PCDHGA5: variants seen among roughly 807,000 people sequenced by gnomAD.
The protein encoded by PCDHGA5 is protocadherin gamma subfamily A, 5.
PCDHGA5 carries 36 observed loss-of-function variants against 56.7 expected under a neutral mutation model. The observed-to-expected ratio is 0.64, with a 90% CI of 0.49 to 0.84. The LOEUF (loss-of-function observed/expected upper bound fraction) is 0.84. Among genes scored for constraint, PCDHGA5 ranks in the 40% least tolerant of loss-of-function variants. The pLI, the probability that PCDHGA5 is intolerant of heterozygous loss-of-function variation, is 0.00. For synonymous variants in PCDHGA5, 563 were observed against 520.2 expected, an observed-to-expected ratio of 1.08 and a Z score of -1.12; for missense variants, 1,305 against 1,201.5, an observed-to-expected ratio of 1.09 and a Z score of -1.27.
chr5:141,384,334 C>A (rs1779970411), intron 1 of PCDHGA5: 1 of 1,613,728 alleles, frequency 6.2e-7, no homozygotes, highest in African/African-American at 1.3e-5. Context: ...TGCACAGGAC[C>A]ACGACAGTGA....
intron 1 of PCDHGA5, chr5:141,393,536 T>G: frequency 6.2e-7 from 1 of 1,613,934 alleles, no homozygotes; most frequent in South Asian, 1.1e-5. Flanking sequence ...ATGCCCCGGT[T>G]TTTCCTCACC....
In PCDHGA5 at chr5:141,364,317, G is replaced by A. The variant is rs1467973358; in HGVS notation, c.-14G>A. Reference sequence around the variant, plus strand: ...TGAACCAGAACTAAGAGAAAATTGGGCAGAGAGAAGGCAATGGCGAGTCCA... The same window carrying A: ...TGAACCAGAACTAAGAGAAAATTGGACAGAGAGAAGGCAATGGCGAGTCCA... On this transcript the variant is annotated 5_prime_UTR_variant, in exon 1 of 4. Coordinates refer to ENST00000518069, the MANE Select transcript of PCDHGA5 (RefSeq NM_018918.3). 1.3e-6 allele frequency: 2 copies of A among 1,524,768 alleles called. No individual in the cohort carries two copies. Among genetic ancestry groups the A allele is most frequent in the Non-Finnish European group, 8.8e-7 (1 of 1,139,440 alleles). 94.5% of individuals were successfully genotyped at this position (1,524,768 alleles called of 1,614,324 possible). A position where few individuals can be genotyped will look rare whatever the true frequency, so the allele number is the denominator to read the frequency against.
Position 141,485,684 on chromosome 5 carries a change from A to T in PCDHGA5, c.2422-9123A>T, listed in dbSNP as rs746176226. On this transcript the variant is annotated intron_variant, in intron 1 of 3. Transcript: ENST00000518069. The surrounding 1 kb of genome is among the most constrained non-coding windows in gnomAD (Gnocchi z 5.7). ...GGGGAGCAATTCGATTAGCAGCTAT[A>T]GGCTGAGCTCCAATGAACACTTTGC... 1 of 1,614,056 alleles carries T rather than the reference A, an allele frequency of 6.2e-7. No homozygotes were observed. The highest frequency in any genetic ancestry group is 1.1e-5 in the South Asian group (1 of 91,082).
Position 141,490,345 on chromosome 5 carries a change from G to C in PCDHGA5, c.2422-4462G>C, listed in dbSNP as rs2099698831. On this transcript the variant is annotated intron_variant, in intron 1 of 3. Coordinates refer to ENST00000518069, the MANE Select transcript of PCDHGA5 (RefSeq NM_018918.3). This position sits in a 1 kb window ranked among gnomAD's most constrained non-coding sequence, Gnocchi z 5.4. ...AGAGAGCACACCAGTGGGCACAGTA[G>C]TGGGGTTGTTTAATGTGCGAGACCG... is the stretch of plus-strand genomic sequence containing the variant. 1 of 1,614,216 alleles carries C rather than the reference G, an allele frequency of 6.2e-7. No homozygotes were observed. Among genetic ancestry groups the C allele is most frequent in the Non-Finnish European group, 8.5e-7 (1 of 1,180,034 alleles).
chr5:141,509,144 G>A (rs969990007), intron 3 of PCDHGA5, among the ~76,000 whole-genome samples: 1 of 152,114 alleles, frequency 6.6e-6, no homozygotes, highest in African/African-American at 2.4e-5. Context: ...GGCGCATCCC[G>A]GCTCTCCCCT....
intron 1 of PCDHGA5, chr5:141,430,951 C>T (rs200771871): frequency 3.2e-5 from 51 of 1,610,496 alleles, no homozygotes; most frequent in African/African-American, 1.5e-4. Context: ...AGCGCGGAGT[C>T]CGCATCATCC....
rs1686238986 is a variant in PCDHGA5 at position 141,431,536 on chromosome 5, G to A, written c.2422-63271G>A. The A allele has an allele frequency of 6.2e-7, 1 of 1,614,070 alleles. No homozygotes were observed. Among genetic ancestry groups the A allele is most frequent in the African/African-American group, 1.3e-5 (1 of 75,064 alleles). On this transcript the variant is annotated intron_variant, in intron 1 of 3. Transcript: ENST00000518069. The surrounding 1 kb of genome is among the most constrained non-coding windows in gnomAD (Gnocchi z 4.8). ...TTCCGGAGAATCTGGCCTTGGGCAC[G>A]CAGCTGCTTGTAGTCAACGCTACCG... is the stretch of plus-strand genomic sequence containing the variant.
intron 1 of PCDHGA5, among the ~76,000 whole-genome samples, chr5:141,469,108 C>A (rs923728484): frequency 4.0e-5 from 6 of 151,768 alleles, no homozygotes; most frequent in Non-Finnish European, 5.9e-5. Context: ...AAGAACCTGT[C>A]TCTAAAAAAA....
intron 1 of PCDHGA5, chr5:141,390,115 G>A: frequency 1.2e-6 from 2 of 1,614,036 alleles, no homozygotes; most frequent in Non-Finnish European, 1.7e-6. Flanking sequence ...TACAGCGAGG[G>A]GACTTTGCCT....
At chr5:141,381,826 C>CTTTTTTTTTTTTTTTT (rs770630741) in intron 1 of PCDHGA5, among the ~76,000 whole-genome samples, 8 of 74,282 alleles carry the variant, frequency 1.1e-4, no homozygotes, top group African/African-American at 1.9e-4. Flanking sequence ...CTTTCTTCTT[C>CTTTTTTTTTTTTTTTT]TTTTTTTTTT....
chr5:141,394,451 G>A (rs774912185), intron 1 of PCDHGA5: 1 of 1,614,118 alleles, frequency 6.2e-7, no homozygotes, highest in Non-Finnish European at 8.5e-7. Flanking sequence ...GCAGCAACAT[G>A]TCACTGAGCC....
Position 141,505,473 on chromosome 5 carries a change from C to T in PCDHGA5, c.2561C>T (p.Ser854Phe). The change falls in exon 3 of 4, where the codon TCC (serine) becomes TTC (phenylalanine). Residue 854 changes from serine to phenylalanine, a missense_variant. Transcript: ENST00000518069. Reference sequence around the variant, plus strand: ...ATGCTGCAAGCCATGATCTTGGCGTCCGCCAGTGGTAAGTGGTGTCAGTGT... The same window carrying T: ...ATGCTGCAAGCCATGATCTTGGCGTTCGCCAGTGGTAAGTGGTGTCAGTGT... ...TEMLQAMILA[S>F]ASEAADGSST... is the part of the protein sequence containing the mutation. The T allele has an allele frequency of 6.2e-7, 1 of 1,614,188 alleles. No homozygotes were observed. Among genetic ancestry groups the T allele is most frequent in the Non-Finnish European group, 8.5e-7 (1 of 1,180,014 alleles).
At chr5:141,404,382 A>T in intron 1 of PCDHGA5, 2 of 1,613,978 alleles carry the variant, frequency 1.2e-6, no homozygotes, top group Non-Finnish European at 1.7e-6. Context: ...GTGATTGCCT[A>T]TGACCCTGAT....
At chr5:141,405,582 C>T in intron 1 of PCDHGA5, 3 of 589,180 alleles carry the variant, frequency 5.1e-6, no homozygotes, top group African/African-American at 1.9e-5. Context: ...GTAGCTGGGA[C>T]TACAGGCCTC....
At chr5:141,408,003 C>G in intron 1 of PCDHGA5, 1 of 917,520 alleles carries the variant, frequency 1.1e-6, no homozygotes, top group Non-Finnish European at 1.6e-6. Flanking sequence ...GCCTGGGATT[C>G]CCTGCGCAGC....
chr5:141,466,581 T>C (rs1426600962), intron 1 of PCDHGA5, among the ~76,000 whole-genome samples: 2 of 152,198 alleles, frequency 1.3e-5, no homozygotes, highest in Non-Finnish European at 2.9e-5. Flanking sequence ...GTCTCATCCC[T>C]TCTTAAAACA....
intron 1 of PCDHGA5, chr5:141,374,475 C>A: frequency 6.2e-7 from 1 of 1,612,136 alleles, no homozygotes; most frequent in Non-Finnish European, 8.5e-7. Flanking sequence ...GACAATACAC[C>A]CCGATTCTTA....
At chr5:141,419,775 G>C in intron 1 of PCDHGA5, 1 of 1,614,016 alleles carries the variant, frequency 6.2e-7, no homozygotes, top group Non-Finnish European at 8.5e-7. Flanking sequence ...GACTCGGTCC[G>C]CCAGCGCCTG....
chr5:141,404,829 TGC>T lies in PCDHGA5; in HGVS notation c.2421+38081_2421+38082del, dbSNP rs774802551. 6.2e-6 allele frequency: 10 copies of T among 1,608,020 alleles called. No individual in the cohort carries two copies. In the Admixed American group the frequency reaches 1.7e-4, roughly 27 times the overall value. On this transcript the variant is annotated intron_variant, in intron 1 of 3. Coordinates refer to ENST00000518069, the MANE Select transcript of PCDHGA5 (RefSeq NM_018918.3). ...TCGGTGGGGCTGCACACAGGTGAAGTGCGCACAGCTCGGGCCCTGCTAGATAG... is the reference window on the plus strand; with the variant it reads ...TCGGTGGGGCTGCACACAGGTGAAGTGCACAGCTCGGGCCCTGCTAGATAG...
Sources: allele counts gnomAD v4.1 joint callset (sites outside exome capture counted in the v4.1 genomes callset), GRCh38; gene constraint gnomAD v4.1.1; non-coding constraint Gnocchi (gnomAD v3.1); transcripts MANE v1.5; gene names NCBI Gene and HGNC (gene_info 2026-07-23, HGNC 2026-07-21).